TMEM260: variants seen among roughly 807,000 people sequenced by gnomAD.
The protein encoded by TMEM260 is transmembrane protein 260, also known as protein O-mannosyl-transferase TMEM260.
Under a neutral mutation model 88.9 loss-of-function variants are expected in TMEM260, and 82 were observed. That is an observed-to-expected ratio of 0.92 (90% CI 0.77 to 1.11). The LOEUF (loss-of-function observed/expected upper bound fraction) is 1.11, where lower values mean the gene tolerates loss of function less well. TMEM260 is among the 50% of genes least tolerant of loss of function. The probability of loss-of-function intolerance (pLI) is 0.00; values close to 1 mark genes in which losing one functional copy is unlikely to be tolerated. For synonymous variants in TMEM260, 314 were observed against 309.3 expected (o/e 1.02, Z -0.16); for missense variants, 902 against 853.4 (o/e 1.06, Z -0.71).
At chr14:56,622,492 T>G (rs1887995213) in intron 11 of TMEM260, among the ~76,000 whole-genome samples, 1 of 152,058 alleles carries the variant, frequency 6.6e-6, no homozygotes, top group African/African-American at 2.4e-5. Context: ...TCACTCAAAA[T>G]AGAAATTATT....
chr14:56,588,454 G>T (rs1055148666), intron 3 of TMEM260, among the ~76,000 whole-genome samples: 2 of 151,950 alleles, frequency 1.3e-5, no homozygotes, highest in Non-Finnish European at 2.9e-5. Flanking sequence ...GACTTAGATT[G>T]AAAGACCAAT....
intron 3 of TMEM260, chr14:56,593,291 A>G (rs1325844979): frequency 6.6e-6 from 1 of 152,124 alleles, no homozygotes; most frequent in African/African-American, 2.4e-5. Context: ...ACTCCAGTGG[A>G]GAATTTCTGT....
intron 3 of TMEM260, among the ~76,000 whole-genome samples, chr14:56,594,849 T>C (rs1594819550): frequency 6.6e-6 from 1 of 152,248 alleles, no homozygotes; most frequent in East Asian, 1.9e-4. Flanking sequence ...AATAATATTT[T>C]GCTCTACATA....
At chr14:56,605,506 T>A (rs1886839762) in intron 4 of TMEM260, 64 bp from the exon 5 acceptor site, 2 of 906,806 alleles carry the variant, frequency 2.2e-6, no homozygotes, top group Non-Finnish European at 3.3e-6. Context: ...AAATGGCTTT[T>A]TATTATGTTC....
chr14:56,603,317 G>C (rs1202331180), intron 3 of TMEM260, among the ~76,000 whole-genome samples: 1 of 152,168 alleles, frequency 6.6e-6, no homozygotes, highest in Admixed American at 6.6e-5. Flanking sequence ...CAGATATTGT[G>C]ATCAAGACAT....
Position 56,647,260 on chromosome 14 carries a change from C to G in TMEM260, c.1887C>G (p.Val629=). Residue 629 remains valine (V), a synonymous_variant, in exon 16 of 16, where the codon GTC becomes GTG. Transcript: ENST00000261556. Reference sequence around the variant, plus strand: ...TTTTCTAGCTTTATAAGGAGATTGTCTATTTACAAAAGGAGCACCCAGTGA... The same window carrying G: ...TTTTCTAGCTTTATAAGGAGATTGTGTATTTACAAAAGGAGCACCCAGTGA... ...AQAYDLYKEI[V]YLQKEHPVNW... 6.2e-7 allele frequency: 1 copy of G among 1,612,816 alleles called. No individual in the cohort carries two copies.
In TMEM260 at chr14:56,629,271, GT is replaced by G. The variant is rs60646032; in HGVS notation, c.1548-3709del. Among the ~76,000 whole-genome samples, 229 of 137,432 alleles carry G rather than the reference GT, an allele frequency of 1.7e-3. 2 individuals are homozygous for G. The highest frequency in any genetic ancestry group is 0.015 in the Middle Eastern group (4 of 260). The allele number at this position is 137,432 out of a possible 152,430, so 90.2% of individuals were successfully genotyped here. ...GCTTGGTAAAGTTTTTGTTTTTGTT[GT>G]TTTTTTTTTTTTTTGAAGCTGGTTG... On this transcript the variant is annotated intron_variant, in intron 12 of 15. Transcript: ENST00000261556.
intron 14 of TMEM260, 149 bp downstream of exon 14, chr14:56,635,101 C>T (rs536956304): frequency 7.4e-5 from 49 of 666,188 alleles, no homozygotes; most frequent in African/African-American, 7.1e-4. Flanking sequence ...CTGTACTAAT[C>T]ATTATACATG....
chr14:56,580,351 C>T (rs1885041185), intron 1 of TMEM260, among the ~76,000 whole-genome samples: 4 of 152,220 alleles, frequency 2.6e-5, no homozygotes, highest in Admixed American at 2.0e-4. Context: ...GATCTTTTAT[C>T]CTGGTCCTGA....
At position 56,609,255 on chromosome 14, in the gene TMEM260, T is replaced by C; in HGVS notation, c.786T>C (p.Phe262=). ...CACTGCAAGGATTTTTGACACATTT[T>C]CTCAGGGAAGAATATGGAACCTTCA... The part of the protein sequence containing the change: ...QTTLQGFLTH[F]LREEYGTFSL... Residue 262 remains phenylalanine, a synonymous_variant, in exon 6 of 16, where the codon TTT becomes TTC. Transcript: ENST00000261556. 1.2e-6 allele frequency: 2 copies of C among 1,614,118 alleles called. No individual in the cohort carries two copies. The highest frequency in any genetic ancestry group is 1.7e-6 in the Non-Finnish European group (2 of 1,180,010).
chr14:56,592,216 G>A (rs1885909469), intron 3 of TMEM260, among the ~76,000 whole-genome samples: 1 of 152,182 alleles, frequency 6.6e-6, no homozygotes, highest in Non-Finnish European at 1.5e-5. Flanking sequence ...AAATGTGGAA[G>A]AAAGGACTTA....
intron 7 of TMEM260, chr14:56,613,607 A>T (rs1353504775): frequency 4.6e-5 from 7 of 152,026 alleles, no homozygotes; most frequent in Non-Finnish European, 8.8e-5. Context: ...TTCACTTTAC[A>T]TTATATCTTG....
chr14:56,609,123 T>G lies in TMEM260; in HGVS notation c.654T>G (p.Ser218=). 1 of 1,614,184 alleles carries G rather than the reference T, an allele frequency of 6.2e-7. No individual in the cohort carries two copies. The highest frequency in any genetic ancestry group is 8.5e-7 in the Non-Finnish European group (1 of 1,180,014). Residue 218 remains serine, a synonymous_variant, in exon 6 of 16, where the codon TCT becomes TCG. Coordinates refer to ENST00000261556, the MANE Select transcript of TMEM260 (RefSeq NM_017799.4). ...TGATGCAGGAACTCTCCCTGGGCTC[T>G]TTGTTGAAGTTGAGCCTGTACTTCT... ...LLKKKELSLG[S]LLKLSLYFSA...
At position 56,636,570 on chromosome 14, in the gene TMEM260, A is replaced by AAGCTCAACTCT. The variant is rs745337584; in HGVS notation, c.1843_1853dup (p.Tyr618Ter). The AAGCTCAACTCT allele has an allele frequency of 1.2e-6, 2 of 1,614,070 alleles. No individual in the cohort carries two copies. Among genetic ancestry groups the AAGCTCAACTCT allele is most frequent in the East Asian group, 4.5e-5 (2 of 44,872 alleles). ...ACTGCTCACATGCCTTCAAAAGTGA[A>AAGCTCAACTCT]AGCTCAACTCTACGCTCAAGCATAT... On this transcript the variant is annotated frameshift_variant, in exon 15 of 16. Coordinates refer to ENST00000261556, the MANE Select transcript of TMEM260 (RefSeq NM_017799.4). LOFTEE classifies it high-confidence loss of function.
At chr14:56,596,794 A>AAAAATAT (rs59623466) in intron 3 of TMEM260, among the ~76,000 whole-genome samples, 14 of 136,292 alleles carry the variant, frequency 1.0e-4, no homozygotes, top group African/African-American at 3.3e-4. Flanking sequence ...TAAAAAAAAA[A>AAAAATAT]ATATATATAT....
chr14:56,653,595 G>A (rs536128599), downstream of TMEM260, among the ~76,000 whole-genome samples: 5 of 151,824 alleles, frequency 3.3e-5, no homozygotes, highest in South Asian at 2.1e-4. Flanking sequence ...TTAGCTGGGC[G>A]AGGTGGTGCG....
In TMEM260 at chr14:56,648,130, C is replaced by T. The variant is rs1890080210; in HGVS notation, c.*633C>T. 1 of 151,414 alleles carries T rather than the reference C, an allele frequency of 6.6e-6. No homozygotes were observed. The highest frequency in any genetic ancestry group is 2.1e-4 in the South Asian group (1 of 4,802). The allele number at this position is 151,414 out of a possible 1,614,324, so 9.4% of individuals were successfully genotyped here. A position where few individuals can be genotyped will look rare whatever the true frequency, so the allele number is the denominator to read the frequency against. On this transcript the variant is annotated 3_prime_UTR_variant, in exon 16 of 16. Coordinates refer to ENST00000261556, the MANE Select transcript of TMEM260 (RefSeq NM_017799.4). ...TGTTTGCTTATTTCAGTTGCAGAAA[C>T]TGGCGAGTAAAAAAGATTTTGCATT... is the stretch of plus-strand genomic sequence containing the variant.
intron 3 of TMEM260, among the ~76,000 whole-genome samples, chr14:56,597,726 T>C (rs891551732): frequency 6.6e-6 from 1 of 152,076 alleles, no homozygotes; most frequent in Non-Finnish European, 1.5e-5. Context: ...GTGATGATAA[T>C]AGCTAAAATG....
Position 56,617,233 on chromosome 14 carries a change from T to G in TMEM260, c.992T>G (p.Ile331Ser). 1 of 1,606,686 alleles carries G rather than the reference T, an allele frequency of 6.2e-7. No homozygotes were observed. The highest frequency in any genetic ancestry group is 8.5e-7 in the Non-Finnish European group (1 of 1,177,368). The stretch of plus-strand genomic sequence containing the variant: ...TGGCTTTTTACTGGAATGTTTTGCA[T>G]TTATTCATTGTTCTTTGCTTGGAGA... ...LVWLFTGMFC[I>S]YSLFFAWRAN... Residue 331 changes from isoleucine to serine, a missense_variant, in exon 9 of 16, where the codon ATT becomes AGT. Transcript: ENST00000261556.
Sources: allele counts gnomAD v4.1 joint callset (sites outside exome capture counted in the v4.1 genomes callset), GRCh38; gene constraint gnomAD v4.1.1; transcripts MANE v1.5; gene names NCBI Gene and HGNC (gene_info 2026-07-23, HGNC 2026-07-21).